The following KIAA0232 variants were observed in gnomAD, a reference collection of about 807,000 sequenced individuals.
KIAA0232 encodes KIAA0232.
KIAA0232 carries 27 observed loss-of-function variants against 122.0 expected under a neutral mutation model. The ratio of observed to expected loss-of-function variants is 0.22; its 90% CI spans 0.16 to 0.31. KIAA0232 has a LOEUF of 0.31. KIAA0232 is among the 10% of genes least tolerant of loss of function. The pLI, the probability that KIAA0232 is intolerant of heterozygous loss-of-function variation, is 1.00. For missense variants in KIAA0232, 1,551 were observed against 1,634.2 expected (o/e 0.95, Z 0.88); for synonymous variants, 613 against 587.6 (o/e 1.04, Z -0.63).
At chr4:6,860,596 A>G (rs1222078879) in intron 6 of KIAA0232, among the ~76,000 whole-genome samples, 3 of 152,192 alleles carry the variant, frequency 2.0e-5, no homozygotes, top group East Asian at 1.9e-4. Context: ...TTCTTCTACT[A>G]TTTGTCCTTT....
intron 2 of KIAA0232, among the ~76,000 whole-genome samples, chr4:6,820,722 A>C (rs191791373): frequency 4.3e-4 from 66 of 152,360 alleles, no homozygotes; most frequent in African/African-American, 1.5e-3. Context: ...TAATAAGACA[A>C]ATGTTGTTAT....
At chr4:6,822,935 C>G (rs899174843) in intron 2 of KIAA0232, among the ~76,000 whole-genome samples, 4 of 118,566 alleles carry the variant, frequency 3.4e-5, no homozygotes, top group African/African-American at 1.3e-4. Context: ...CCCCTCCCCC[C>G]ACACCACAAC....
At chr4:6,871,443 G>A (rs1721477790) in intron 7 of KIAA0232, 131 bp from the exon 8 acceptor site, 2 of 594,202 alleles carry the variant, frequency 3.4e-6, no homozygotes, top group Non-Finnish European at 5.9e-6. Flanking sequence ...CAAAAAGAAA[G>A]AAAGAAAAAT....
intron 4 of KIAA0232, among the ~76,000 whole-genome samples, chr4:6,854,218 A>G (rs980371281): frequency 6.6e-6 from 1 of 152,154 alleles, no homozygotes; most frequent in Admixed American, 6.5e-5. Flanking sequence ...GGTGACAGGG[A>G]CTCTGGATGC....
intron 2 of KIAA0232, among the ~76,000 whole-genome samples, chr4:6,818,260 G>T (rs1173172266): frequency 6.6e-6 from 1 of 151,984 alleles, no homozygotes; most frequent in Non-Finnish European, 1.5e-5. Context: ...AATTAGCTGG[G>T]CATGGTGGTG....
At chr4:6,843,947 TTTTTTTTTTTTTG>T (rs1183657220) in intron 4 of KIAA0232, among the ~76,000 whole-genome samples, 1 of 124,816 alleles carries the variant, frequency 8.0e-6, no homozygotes, top group Non-Finnish European at 1.6e-5. Context: ...TTTTTTTTTT[TTTTTTTTTTTTTG>T]GCGGAGTCTT....
Position 6,862,240 on chromosome 4 carries a change from A to C in KIAA0232, c.1858A>C (p.Ser620Arg), listed in dbSNP as rs1720915011. ...AGTTAGACTCTCTCCCATCTTAGACAGCACAGTGCTCAATTCACACCTGCT... is the reference window on the plus strand; with the variant it reads ...AGTTAGACTCTCTCCCATCTTAGACCGCACAGTGCTCAATTCACACCTGCT... ...SPVRLSPILD[S>R]TVLNSHLLAG... The change falls in exon 7 of 10, where the codon AGC becomes CGC. Residue 620 changes from serine (S) to arginine (R), a missense_variant. By Grantham distance (110) the Ser-to-Arg change is moderately radical. Around this residue, in one of 5 missense-constraint regions of KIAA0232, gnomAD observed 1,108 missense variants for 1,154.8 expected, o/e 0.96. Transcript: ENST00000307659. The C allele has an allele frequency of 3.7e-6, 6 of 1,614,080 alleles. No individual in the cohort carries two copies. The Admixed American group carries it at 1.0e-4, about 27-fold the overall frequency.
chr4:6,800,981 TATAGAC>T (rs1717361773), intron 1 of KIAA0232, among the ~76,000 whole-genome samples: 1 of 152,168 alleles, frequency 6.6e-6, no homozygotes, highest in South Asian at 2.1e-4. Flanking sequence ...CAAATATAAA[TATAGAC>T]AGAGTTCTTG....
chr4:6,840,355 T>A (rs2109127693), intron 3 of KIAA0232, among the ~76,000 whole-genome samples: 1 of 152,306 alleles, frequency 6.6e-6, no homozygotes, highest in South Asian at 2.1e-4. Context: ...AAAGGGATGA[T>A]GGGGGTAGTG....
chr4:6,784,016 C>G (rs1716493275), intron 1 of KIAA0232, among the ~76,000 whole-genome samples: 1 of 152,132 alleles, frequency 6.6e-6, no homozygotes. Context: ...GTACAGACCC[C>G]TAAATCATGG....
At chr4:6,844,233 C>T (rs1325812779) in intron 4 of KIAA0232, among the ~76,000 whole-genome samples, 1 of 151,966 alleles carries the variant, frequency 6.6e-6, no homozygotes, top group Non-Finnish European at 1.5e-5. Context: ...AGCCACCGCA[C>T]CCGACCAAGT....
intron 3 of KIAA0232, among the ~76,000 whole-genome samples, chr4:6,831,692 C>G (rs942422380): frequency 6.6e-6 from 1 of 152,186 alleles, no homozygotes. Flanking sequence ...CAGAAGCCCC[C>G]CTCGTGTCCC....
chr4:6,809,023 A>G (rs966184483), intron 2 of KIAA0232, among the ~76,000 whole-genome samples: 9 of 152,202 alleles, frequency 5.9e-5, no homozygotes, highest in African/African-American at 1.4e-4. Flanking sequence ...CCAGCACTCT[A>G]TAAGTGTTGG....
At chr4:6,813,552 T>C (rs374260147) in intron 2 of KIAA0232, among the ~76,000 whole-genome samples, 20 of 151,902 alleles carry the variant, frequency 1.3e-4, no homozygotes, top group East Asian at 5.8e-4. Context: ...TTAGTAGAGA[T>C]GGGGTTTCAC....
Position 6,861,872 on chromosome 4 carries a change from A to G in KIAA0232, c.1490A>G (p.Tyr497Cys). ...TGTTCTCTACCAGAGGACAATAAAT[A>G]CCTGGATGATATTCATCTATCAGAA... ...SLCSLPEDNK[Y>C]LDDIHLSELT... Residue 497 changes from tyrosine to cysteine, a missense_variant, in exon 7 of 10, where the codon TAC (tyrosine) becomes TGC (cysteine). Transcript: ENST00000307659. 6.2e-7 allele frequency: 1 copy of G among 1,614,096 alleles called. No individual in the cohort carries two copies. Among genetic ancestry groups the G allele is most frequent in the Non-Finnish European group, 8.5e-7 (1 of 1,179,956 alleles).
At chr4:6,850,692 G>A (rs960939798) in intron 4 of KIAA0232, among the ~76,000 whole-genome samples, 10 of 148,294 alleles carry the variant, frequency 6.7e-5, no homozygotes, top group South Asian at 4.2e-4. Context: ...TTTTTTAGAC[G>A]GAGTCTCGCT....
chr4:6,797,768 T>G, intron 1 of KIAA0232, among the ~76,000 whole-genome samples: 1 of 76,670 alleles, frequency 1.3e-5, no homozygotes, highest in African/African-American at 5.6e-5. Flanking sequence ...AGACCCTGCC[T>G]CTCAAAAAAA....
intron 2 of KIAA0232, among the ~76,000 whole-genome samples, chr4:6,808,994 C>G (rs995574290): frequency 6.6e-6 from 1 of 152,120 alleles, no homozygotes; most frequent in Non-Finnish European, 1.5e-5. Flanking sequence ...CATCACAAGG[C>G]AGCAGGTCAT....
At chr4:6,865,439 A>G (rs1052768099) in intron 7 of KIAA0232, among the ~76,000 whole-genome samples, 4 of 152,218 alleles carry the variant, frequency 2.6e-5, no homozygotes, top group Non-Finnish European at 4.4e-5. Flanking sequence ...AGCTGGGATT[A>G]AAGGCATGCG....
Sources: allele counts gnomAD v4.1 joint callset (sites outside exome capture counted in the v4.1 genomes callset), GRCh38; gene constraint gnomAD v4.1.1; regional missense constraint gnomAD v4.1.1; transcripts MANE v1.5; gene names NCBI Gene and HGNC (gene_info 2026-07-23, HGNC 2026-07-21).